The following DNAH8 variants were observed in gnomAD, a reference collection of about 807,000 sequenced individuals.
DNAH8 encodes axonemal beta dynein heavy chain 8.
Under a neutral mutation model 562.1 loss-of-function variants are expected in DNAH8, and 382 were observed. The observed-to-expected ratio is 0.68, with a 90% CI of 0.63 to 0.74. The LOEUF is 0.74. Ranked by LOEUF, DNAH8 falls within the 30% of genes least tolerant of loss-of-function variation. The pLI is 0.00. For synonymous variants in DNAH8, 1,881 were observed against 1,919.4 expected, an observed-to-expected ratio of 0.98 and a Z score of 0.52; for missense variants, 5,203 against 5,620.4, an observed-to-expected ratio of 0.93 and a Z score of 2.37.
intron 3 of DNAH8, among the ~76,000 whole-genome samples, chr6:38,727,184 C>G (rs1251878665): frequency 6.6e-6 from 1 of 152,046 alleles, no homozygotes; most frequent in Non-Finnish European, 1.5e-5. Context: ...TAATGTGAAG[C>G]CTGGCATGCA....
At chr6:38,843,065 T>C (rs1249487844) in intron 35 of DNAH8, among the ~76,000 whole-genome samples, 162 bp downstream of exon 35, 3 of 152,222 alleles carry the variant, frequency 2.0e-5, no homozygotes, top group Non-Finnish European at 4.4e-5. Context: ...TTTTATGAAA[T>C]AATCTTGTAA....
intron 88 of DNAH8, 98 bp from the exon 89 acceptor site, chr6:39,008,716 C>A: frequency 6.5e-6 from 3 of 464,838 alleles, no homozygotes; most frequent in Non-Finnish European, 6.8e-6. Flanking sequence ...TTGTAGCTTG[C>A]TTTGATTTAA....
At chr6:38,893,092 G>T (rs565245086) in intron 58 of DNAH8, among the ~76,000 whole-genome samples, 36 of 152,194 alleles carry the variant, frequency 2.4e-4, no homozygotes, top group African/African-American at 8.2e-4. Flanking sequence ...ATAAAAGCCC[G>T]CTTGATGGCA....
At chr6:39,030,063 T>C (rs1417887398) in intron 92 of DNAH8, 42 bp from the exon 93 acceptor site, 1 of 1,541,484 alleles carries the variant, frequency 6.5e-7, no homozygotes, top group Admixed American at 1.8e-5. Flanking sequence ...CAGCACCTAG[T>C]TTAAAAAATA....
intron 26 of DNAH8, among the ~76,000 whole-genome samples, chr6:38,818,708 C>T (rs1772536398): frequency 6.6e-6 from 1 of 152,180 alleles, no homozygotes; most frequent in Non-Finnish European, 1.5e-5. Context: ...TTTGACTGCT[C>T]TCAACAAATG....
At chr6:38,787,142 A>G (rs1769243480) in intron 18 of DNAH8, among the ~76,000 whole-genome samples, 190 bp downstream of exon 18, 2 of 152,114 alleles carry the variant, frequency 1.3e-5, no homozygotes, top group South Asian at 2.1e-4. Flanking sequence ...GAAAGCAAAA[A>G]GTGAGAAGAT....
intron 1 of DNAH8, chr6:38,716,471 C>T (rs139491397): frequency 2.6e-5 from 4 of 152,280 alleles, no homozygotes; most frequent in Non-Finnish European, 4.4e-5. Flanking sequence ...ATGTTTCTCT[C>T]TCCCATCCTC....
intron 79 of DNAH8, among the ~76,000 whole-genome samples, chr6:38,939,659 A>T (rs1421504661): frequency 6.6e-6 from 1 of 152,226 alleles, no homozygotes; most frequent in Non-Finnish European, 1.5e-5. Flanking sequence ...GGAGGGAAAG[A>T]TTACATGTGG....
intron 23 of DNAH8, 22 bp from the exon 24 acceptor site, chr6:38,807,588 T>C: frequency 7.4e-7 from 1 of 1,358,220 alleles, no homozygotes; most frequent in Non-Finnish European, 9.8e-7. Flanking sequence ...GATACCAAAT[T>C]TAATCTGATT....
At chr6:38,827,112 C>T (rs1476130033) in intron 29 of DNAH8, among the ~76,000 whole-genome samples, 4 of 152,132 alleles carry the variant, frequency 2.6e-5, no homozygotes, top group African/African-American at 9.7e-5. Context: ...TGGTTCCCTT[C>T]TAGTGATGCC....
chr6:38,740,218 A>G (rs1764417143), intron 7 of DNAH8, among the ~76,000 whole-genome samples: 1 of 152,182 alleles, frequency 6.6e-6, no homozygotes, highest in Non-Finnish European at 1.5e-5. Context: ...TTTAAGACTA[A>G]TTTTTAAAGT....
intron 76 of DNAH8, 47 bp downstream of exon 76, chr6:38,932,040 T>C (rs777319335): frequency 2.3e-6 from 3 of 1,313,558 alleles, no homozygotes; most frequent in Non-Finnish European, 3.0e-6. Flanking sequence ...AATACATGCT[T>C]AAAATGTATT....
chr6:38,973,573 G>T, intron 83 of DNAH8, 88 bp from the exon 84 acceptor site: 1 of 1,050,198 alleles, frequency 9.5e-7, no homozygotes. Flanking sequence ...GTATTCACAT[G>T]GTTTTTAAAA....
chr6:38,911,397 CTTGGGAAAGGTGTCGTT>C, intron 65 of DNAH8, 54 bp from the exon 66 acceptor site: 3 of 1,123,626 alleles, frequency 2.7e-6, no homozygotes, highest in Non-Finnish European at 4.1e-6. Flanking sequence ...CTGATTTCAC[CTTGGGAAAGGTGTCGTT>C]TTATGGGAGT....
At chr6:38,867,080 G>T (rs1343031594) in intron 47 of DNAH8, among the ~76,000 whole-genome samples, 1 of 152,156 alleles carries the variant, frequency 6.6e-6, no homozygotes, top group Non-Finnish European at 1.5e-5. Context: ...AAGTTGCAAA[G>T]GAATGTACAG....
chr6:38,809,284 TTTA>T (rs1562861779), intron 24 of DNAH8, among the ~76,000 whole-genome samples: 1 of 152,178 alleles, frequency 6.6e-6, no homozygotes, highest in Non-Finnish European at 1.5e-5. Flanking sequence ...AATATTCAAA[TTTA>T]TCAGTTTTAG....
chr6:38,967,450 T>C (rs1217064819), intron 82 of DNAH8, among the ~76,000 whole-genome samples: 1 of 152,126 alleles, frequency 6.6e-6, no homozygotes, highest in Non-Finnish European at 1.5e-5. Context: ...GGATACAAGA[T>C]CAATATTTAA....
chr6:38,853,931 C>G (rs1775970797), intron 41 of DNAH8, among the ~76,000 whole-genome samples: 1 of 151,912 alleles, frequency 6.6e-6, no homozygotes, highest in Non-Finnish European at 1.5e-5. Flanking sequence ...AGTACAGTTT[C>G]TACTAAATGC....
chr6:39,022,613 G>T lies in DNAH8; in HGVS notation c.13715-3933G>T, dbSNP rs978477194. On this transcript the variant is annotated intron_variant, in intron 91 of 92. Transcript: ENST00000327475. ...ATACCTTGCTTTGTCCCACCTGGGG[G>T]TGCCCTGCTCAGGGATGGGCTGGCA... 9.2e-5 allele frequency among the ~76,000 whole-genome samples: 14 copies of T among 152,224 alleles called. 1 individual carries two copies. The highest frequency in any genetic ancestry group is 1.3e-4 in the Admixed American group (2 of 15,284).
Sources: gnomAD v4.1 joint callset for allele counts (sites outside exome capture counted in the v4.1 genomes callset) on GRCh38, gnomAD v4.1.1 for gene constraint, MANE v1.5 for transcripts, NCBI Gene and HGNC (gene_info 2026-07-23, HGNC 2026-07-21) for gene names.